Variants in TP63 observed in about 807,000 individuals in gnomAD.
TP63 encodes tumor protein p63.
In TP63, 17 loss-of-function variants were observed where a neutral mutation model predicts 82.8. The ratio of observed to expected loss-of-function variants is 0.21; its 90% CI spans 0.14 to 0.31. The LOEUF is 0.31. Among genes scored for constraint, TP63 ranks in the 10% least tolerant of loss-of-function variants. TP63 has a pLI of 1.00. For synonymous variants in TP63, 330 were observed against 321.7 expected (o/e 1.03, Z -0.28); for missense variants, 648 against 895.3 (o/e 0.72, Z 3.52).
chr3:189,784,963 T>TA (rs139687898), intron 3 of TP63, among the ~76,000 whole-genome samples: 17 of 152,168 alleles, frequency 1.1e-4, no homozygotes, highest in African/African-American at 3.9e-4. Context: ...TGGTAGCTGA[T>TA]ACCAAAAAGA....
intron 3 of TP63, among the ~76,000 whole-genome samples, chr3:189,740,785 C>G (rs998993457): frequency 6.6e-6 from 1 of 152,236 alleles, no homozygotes; most frequent in Non-Finnish European, 1.5e-5. Context: ...CAGGCATGAG[C>G]CACCACACCT....
intron 5 of TP63, among the ~76,000 whole-genome samples, chr3:189,864,755 C>T (rs1194892413): frequency 6.6e-6 from 1 of 151,802 alleles, no homozygotes; most frequent in Non-Finnish European, 1.5e-5. Context: ...GCCCGTAATC[C>T]CAGCACTTTG....
rs150547366 is a variant in TP63, at chr3:189,700,645, A to G, written c.63-37095A>G. 2.9e-3 allele frequency among the ~76,000 whole-genome samples: 440 copies of G among 152,280 alleles called. 1 individual carries two copies. Among genetic ancestry groups the G allele is most frequent in the African/African-American group, 0.01 (417 of 41,556 alleles). The stretch of plus-strand genomic sequence containing the variant: ...ATTACTGCTGGGTAGCTATAACACA[A>G]TAACATATCCTTATGTCCCTTGATG... On this transcript the variant is annotated intron_variant, in intron 1 of 13. Coordinates refer to ENST00000264731, the MANE Select transcript of TP63 (RefSeq NM_003722.5).
intron 3 of TP63, among the ~76,000 whole-genome samples, chr3:189,765,433 C>CTTTTTTTTTTTGTTTTTTTTTT (rs1722875526): frequency 3.3e-5 from 1 of 30,088 alleles, no homozygotes; most frequent in African/African-American, 1.2e-4. Context: ...CTGTCCTCTG[C>CTTTTTTTTTTTGTTTTTTTTTT]TTTTTTTTTT....
At chr3:189,711,992 G>A (rs932277577) in intron 1 of TP63, among the ~76,000 whole-genome samples, 1 of 152,174 alleles carries the variant, frequency 6.6e-6, no homozygotes, top group Non-Finnish European at 1.5e-5. Context: ...TTGAAGAAAA[G>A]TAGTAGCTAA....
At chr3:189,822,431 A>G (rs1020873663) in intron 4 of TP63, among the ~76,000 whole-genome samples, 7 of 152,326 alleles carry the variant, frequency 4.6e-5, no homozygotes, top group African/African-American at 9.6e-5. Flanking sequence ...GAAATGGTCC[A>G]TAGAAGACAT....
intron 1 of TP63, among the ~76,000 whole-genome samples, chr3:189,642,546 AT>A (rs539201911): frequency 7.1e-4 from 106 of 149,812 alleles, no homozygotes; most frequent in South Asian, 3.2e-3. Context: ...CTATATGTCT[AT>A]TTTTTTTTTC....
At chr3:189,796,924 G>A (rs913617802) in intron 3 of TP63, among the ~76,000 whole-genome samples, 6 of 151,978 alleles carry the variant, frequency 3.9e-5, no homozygotes, top group Admixed American at 6.6e-5. Flanking sequence ...AGTACAAATG[G>A]ATCATTGTAT....
intron 10 of TP63, chr3:189,880,102 C>T (rs1238657936): frequency 6.2e-7 from 1 of 1,613,706 alleles, no homozygotes; most frequent in African/African-American, 1.3e-5. Context: ...CTTGTGGAGC[C>T]CCGGAGAGAA....
intron 1 of TP63, among the ~76,000 whole-genome samples, chr3:189,712,183 C>T (rs1034977380): frequency 2.0e-5 from 3 of 152,074 alleles, no homozygotes; most frequent in Admixed American, 6.6e-5. Context: ...TCCTCACTTA[C>T]GAGGACAGGA....
At chr3:189,732,988 G>T (rs190564526) in intron 1 of TP63, among the ~76,000 whole-genome samples, 52 of 152,266 alleles carry the variant, frequency 3.4e-4, no homozygotes, top group African/African-American at 1.2e-3. Context: ...TGAGGGTTGG[G>T]TAGGCATGGG....
At chr3:189,613,505 C>T in the TP63 span, among the ~76,000 whole-genome samples, 1 of 152,188 alleles carries the variant, frequency 6.6e-6, no homozygotes, top group Admixed American at 6.5e-5. Context: ...TGGAGAACCT[C>T]GGCTTGGGCA....
chr3:189,627,035 T>C (rs1729334327), upstream of TP63, among the ~76,000 whole-genome samples: 1 of 152,106 alleles, frequency 6.6e-6, no homozygotes, highest in Admixed American at 6.6e-5. Context: ...AAAAATAAAG[T>C]ATCTAAGGCT....
At chr3:189,773,079 C>T (rs1341715833) in intron 3 of TP63, among the ~76,000 whole-genome samples, 2 of 152,072 alleles carry the variant, frequency 1.3e-5, no homozygotes, top group African/African-American at 2.4e-5. Context: ...TTTGTTTTTG[C>T]CCTTTCTCTG....
At chr3:189,800,636 GTTCGAC>G (rs1312429493) in intron 3 of TP63, among the ~76,000 whole-genome samples, 1 of 152,080 alleles carries the variant, frequency 6.6e-6, no homozygotes, top group Non-Finnish European at 1.5e-5. Flanking sequence ...AGATTTACTG[GTTCGAC>G]ATCCAGGCTC....
intron 1 of TP63, among the ~76,000 whole-genome samples, chr3:189,669,215 GA>G (rs141459396): frequency 2.6e-5 from 4 of 151,606 alleles, no homozygotes; most frequent in South Asian, 2.1e-4. Context: ...TATAGCAAAA[GA>G]AAAAAACAAT....
At chr3:189,734,432 T>G (rs538963755) in intron 1 of TP63, among the ~76,000 whole-genome samples, 26 of 152,310 alleles carry the variant, frequency 1.7e-4, no homozygotes, top group South Asian at 1.0e-3. Flanking sequence ...TACAATTCCC[T>G]TAATTCTCTG....
At chr3:189,892,636 CAA>C (rs1721133628) in intron 13 of TP63, among the ~76,000 whole-genome samples, 1 of 151,816 alleles carries the variant, frequency 6.6e-6, no homozygotes, top group Non-Finnish European at 1.5e-5. Context: ...ACTAAAAATA[CAA>C]AAAATTAGCC....
At chr3:189,785,534 A>T (rs1170157495) in intron 3 of TP63, among the ~76,000 whole-genome samples, 1 of 152,098 alleles carries the variant, frequency 6.6e-6, no homozygotes, top group East Asian at 1.9e-4. Flanking sequence ...AGAAATTCTC[A>T]CATCGGTAGG....
Sources: allele counts gnomAD v4.1 joint callset (sites outside exome capture counted in the v4.1 genomes callset), GRCh38; gene constraint gnomAD v4.1.1; transcripts MANE v1.5; gene names NCBI Gene and HGNC (gene_info 2026-07-23, HGNC 2026-07-21).